Variants in GPC5 observed in about 807,000 individuals in gnomAD.
The protein encoded by GPC5 is glypican 5, also known as glypican-5.
GPC5 carries 47 observed loss-of-function variants against 53.9 expected under a neutral mutation model. The ratio of observed to expected loss-of-function variants is 0.87; its 90% CI spans 0.69 to 1.11. The LOEUF is 1.11. GPC5 is among the 50% of genes most tolerant of loss of function. The pLI is 0.00. For missense variants in GPC5, 748 were observed against 713.1 expected (o/e 1.05, Z -0.56); for synonymous variants, 286 against 263.3 (o/e 1.09, Z -0.84).
rs192421690 is a variant in GPC5 at position 92,655,680 on chromosome 13, G to A, written c.1562-210602G>A. ...GAGTATCAAGAGTCAGCCTTTGTTA[G>A]TAAGCATTTCTATCTGCCTGTTTGG... On this transcript the variant is annotated intron_variant, in intron 7 of 7. Coordinates refer to ENST00000377067, the MANE Select transcript of GPC5 (RefSeq NM_004466.6). Among the ~76,000 whole-genome samples the A allele has an allele frequency of 1.1e-3, 163 of 152,260 alleles. 1 individual carries two copies. The highest frequency in any genetic ancestry group is 3.6e-3 in the African/African-American group (151 of 41,538).
At chr13:92,088,511 G>T (rs540077976) in intron 6 of GPC5, among the ~76,000 whole-genome samples, 6 of 152,072 alleles carry the variant, frequency 3.9e-5, no homozygotes, top group African/African-American at 1.4e-4. Context: ...GTCCTTAGGG[G>T]CCCCAAGTCC....
At chr13:92,584,817 C>G (rs1282206805) in intron 7 of GPC5, among the ~76,000 whole-genome samples, 1 of 152,044 alleles carries the variant, frequency 6.6e-6, no homozygotes, top group Non-Finnish European at 1.5e-5. Flanking sequence ...CCCAGTCACT[C>G]CAGCCATGAC....
At chr13:92,837,529 C>A (rs965384581) in intron 7 of GPC5, among the ~76,000 whole-genome samples, 1 of 152,110 alleles carries the variant, frequency 6.6e-6, no homozygotes, top group Non-Finnish European at 1.5e-5. Flanking sequence ...ATTGCACCCA[C>A]GGAGATATGC....
chr13:91,654,396 A>T (rs575981983), intron 2 of GPC5, among the ~76,000 whole-genome samples: 1 of 152,168 alleles, frequency 6.6e-6, no homozygotes. Flanking sequence ...TCGGTAAGTA[A>T]ATAGTTAGAT....
chr13:91,696,198 A>C (rs1215007576), intron 3 of GPC5, among the ~76,000 whole-genome samples: 1 of 152,222 alleles, frequency 6.6e-6, no homozygotes, highest in Non-Finnish European at 1.5e-5. Context: ...TCAAAGTATT[A>C]GAATCAGGTT....
At chr13:92,014,786 T>C (rs2040692712) in intron 6 of GPC5, among the ~76,000 whole-genome samples, 1 of 152,222 alleles carries the variant, frequency 6.6e-6, no homozygotes, top group Non-Finnish European at 1.5e-5. Flanking sequence ...TGAGGTCATC[T>C]ATAATATACT....
chr13:92,309,964 C>CT (rs372802584), intron 7 of GPC5, among the ~76,000 whole-genome samples: 2 of 150,162 alleles, frequency 1.3e-5, no homozygotes, highest in African/African-American at 2.5e-5. Context: ...ATGAGTCTGA[C>CT]TTTTTTTAGA....
chr13:91,487,403 A>T (rs1883671744), intron 2 of GPC5, among the ~76,000 whole-genome samples: 1 of 152,134 alleles, frequency 6.6e-6, no homozygotes, highest in Admixed American at 6.5e-5. Flanking sequence ...TCCTGTGGAA[A>T]CATCTGTCCA....
intron 2 of GPC5, among the ~76,000 whole-genome samples, chr13:91,555,508 G>A (rs1173572784): frequency 6.6e-6 from 1 of 151,958 alleles, no homozygotes; most frequent in South Asian, 2.1e-4. Flanking sequence ...CCAGAGACTT[G>A]CTTCTCTTAT....
intron 2 of GPC5, among the ~76,000 whole-genome samples, chr13:91,594,478 G>A (rs539001977): frequency 1.8e-4 from 28 of 152,284 alleles, no homozygotes; most frequent in African/African-American, 6.5e-4. Flanking sequence ...AGCTTTGCAG[G>A]TTGGCTTTTA....
intron 7 of GPC5, among the ~76,000 whole-genome samples, chr13:92,479,422 T>C (rs190423998): frequency 1.1e-3 from 169 of 152,346 alleles, no homozygotes; most frequent in Non-Finnish European, 2.0e-3. Context: ...TGATTTTCAC[T>C]GCATGTAGCT....
chr13:92,029,463 A>G (rs1269765629), intron 6 of GPC5, among the ~76,000 whole-genome samples: 4 of 152,182 alleles, frequency 2.6e-5, no homozygotes, highest in Non-Finnish European at 4.4e-5. Context: ...AGAAGGGAGA[A>G]GCCAGGCTCT....
chr13:92,838,586 C>T (rs988730550), intron 7 of GPC5, among the ~76,000 whole-genome samples: 2 of 151,366 alleles, frequency 1.3e-5, no homozygotes, highest in African/African-American at 2.4e-5. Flanking sequence ...GCAAAACTTA[C>T]GAAATACATG....
chr13:91,524,000 C>T (rs1001714726), intron 2 of GPC5, among the ~76,000 whole-genome samples: 1 of 151,614 alleles, frequency 6.6e-6, no homozygotes, highest in Admixed American at 6.6e-5. Context: ...ATTTATTATC[C>T]TAATTTTTTG....
At position 91,436,233 on chromosome 13, in the gene GPC5, T is replaced by G. The variant is rs1378608021; in HGVS notation, c.164-12528T>G. ...TTATTTCTTGCCTTGTGCTAGCTTT[T>G]GAATGTGTTTGCTCTTGCTTCTCTA... is the stretch of plus-strand genomic sequence containing the variant. On this transcript the variant is annotated intron_variant, in intron 1 of 7. Coordinates refer to ENST00000377067, the MANE Select transcript of GPC5 (RefSeq NM_004466.6). Among the ~76,000 whole-genome samples the G allele has an allele frequency of 3.9e-5, 6 of 152,290 alleles. No individual in the cohort carries two copies. The East Asian group carries it at 9.6e-4, about 24-fold the overall frequency.
chr13:92,615,055 A>C, intron 7 of GPC5, among the ~76,000 whole-genome samples: 1 of 152,224 alleles, frequency 6.6e-6, no homozygotes, highest in East Asian at 1.9e-4. Context: ...TCGTATAATT[A>C]AATCTGTAAG....
chr13:91,586,534 A>C (rs866587439), intron 2 of GPC5, among the ~76,000 whole-genome samples: 1 of 42,452 alleles, frequency 2.4e-5, no homozygotes, highest in South Asian at 6.9e-4. Flanking sequence ...ATATATATAT[A>C]TATATATATA....
intron 2 of GPC5, among the ~76,000 whole-genome samples, chr13:91,479,681 T>C (rs2139211380): frequency 6.6e-6 from 1 of 152,284 alleles, no homozygotes; most frequent in African/African-American, 2.4e-5. Flanking sequence ...CCAGTGCAAG[T>C]TCTAGGGATT....
chr13:92,146,135 T>C (rs2041865330), intron 7 of GPC5, among the ~76,000 whole-genome samples: 2 of 152,180 alleles, frequency 1.3e-5, no homozygotes, highest in South Asian at 4.1e-4. Context: ...TTGGTGCACT[T>C]GAGCAGCCTT....
Sources: allele counts gnomAD v4.1 joint callset (sites outside exome capture counted in the v4.1 genomes callset), GRCh38; gene constraint gnomAD v4.1.1; transcripts MANE v1.5; gene names NCBI Gene and HGNC (gene_info 2026-07-23, HGNC 2026-07-21).